TENM1: variants seen among roughly 807,000 people sequenced by gnomAD.
TENM1 encodes the protein teneurin transmembrane protein 1.
In TENM1, 35 loss-of-function variants were observed where a neutral mutation model predicts 174.8. The observed-to-expected ratio is 0.20, with a 90% CI of 0.15 to 0.27. TENM1 has a LOEUF of 0.27. Ranked by LOEUF, TENM1 falls within the 10% of genes least tolerant of loss-of-function variation. The pLI is 1.00. For missense variants in TENM1, 1,633 were observed against 2,130.1 expected, an observed-to-expected ratio of 0.77 and a Z score of 4.59; for synonymous variants, 781 against 798.7, an observed-to-expected ratio of 0.98 and a Z score of 0.37.
chrX:124,546,652 C>A (rs370859932), intron 15 of TENM1, among the ~76,000 whole-genome samples: 1 of 111,613 alleles, frequency 9.0e-6, no homozygotes, highest in Non-Finnish European at 1.9e-5. Flanking sequence ...TATATATATA[C>A]ATACACAAAC....
intron 4 of TENM1, among the ~76,000 whole-genome samples, chrX:124,723,982 T>G (rs28370454): frequency 0.031 from 3,505 of 112,053 alleles, 148 homozygotes; most frequent in African/African-American, 0.11. Context: ...TTAGTTTTAA[T>G]AACACTAAGT....
At chrX:124,775,666 C>T (rs2054766830) in intron 3 of TENM1, among the ~76,000 whole-genome samples, 1 of 111,908 alleles carries the variant, frequency 8.9e-6, no homozygotes, top group African/African-American at 3.3e-5. Context: ...TATTTAACAA[C>T]TATAAAAGAA....
intron 3 of TENM1, among the ~76,000 whole-genome samples, chrX:124,828,381 T>C (rs2056215376): frequency 8.9e-6 from 1 of 112,516 alleles, no homozygotes; most frequent in Admixed American, 9.4e-5. Context: ...GCTATACTCC[T>C]AGTATAGTTG....
At chrX:124,811,028 C>A (rs768628095) in intron 3 of TENM1, among the ~76,000 whole-genome samples, 1 of 111,003 alleles carries the variant, frequency 9.0e-6, no homozygotes, top group Non-Finnish European at 1.9e-5. Context: ...TACCTCATAC[C>A]ATATAGGGAA....
the TENM1 span, among the ~76,000 whole-genome samples, chrX:125,034,242 G>C: frequency 8.9e-6 from 1 of 111,859 alleles, no homozygotes; most frequent in Non-Finnish European, 1.9e-5. Context: ...CAAGATGCTA[G>C]ACTTGAGCAA....
At chrX:125,052,631 G>T in the TENM1 span, among the ~76,000 whole-genome samples, 1 of 111,383 alleles carries the variant, frequency 9.0e-6, no homozygotes, top group African/African-American at 3.3e-5. Context: ...TAAGAGTAAT[G>T]TGAAAAGGGT....
chrX:124,445,120 G>A (rs757274579), intron 23 of TENM1, among the ~76,000 whole-genome samples: 27 of 111,548 alleles, frequency 2.4e-4, no homozygotes, highest in Non-Finnish European at 4.3e-4. Context: ...ATATATAAAC[G>A]TACCCAGTAT....
At chrX:125,163,034 C>T in the TENM1 span, among the ~76,000 whole-genome samples, 2 of 111,481 alleles carry the variant, frequency 1.8e-5, no homozygotes, top group African/African-American at 3.3e-5. Flanking sequence ...ATGCTGCCCC[C>T]GCTGCCACCA....
At chrX:125,118,016 T>C in the TENM1 span, among the ~76,000 whole-genome samples, 5 of 111,578 alleles carry the variant, frequency 4.5e-5, no homozygotes, top group Non-Finnish European at 7.5e-5. Flanking sequence ...TATATATATA[T>C]ACACCATGGA....
At chrX:125,069,469 G>C in the TENM1 span, among the ~76,000 whole-genome samples, 1 of 111,689 alleles carries the variant, frequency 9.0e-6, no homozygotes, top group South Asian at 3.8e-4. Context: ...GATAAATACA[G>C]GTGTATTTTT....
intron 22 of TENM1, among the ~76,000 whole-genome samples, chrX:124,473,716 T>A (rs1229754994): frequency 1.8e-5 from 2 of 110,868 alleles, no homozygotes; most frequent in Admixed American, 1.9e-4. Flanking sequence ...CATCTTCTGC[T>A]CCATTCCCTC....
chrX:124,428,240 G>A (rs931463405), intron 23 of TENM1, among the ~76,000 whole-genome samples: 15 of 111,746 alleles, frequency 1.3e-4, no homozygotes, highest in African/African-American at 4.2e-4. Context: ...ACAGCATTAC[G>A]TCTTCCTCTG....
chrX:125,144,338 G>A, the TENM1 span, among the ~76,000 whole-genome samples: 6 of 111,643 alleles, frequency 5.4e-5, no homozygotes, highest in African/African-American at 1.6e-4. Flanking sequence ...GCCAATGCTG[G>A]GCTTCTAATT....
intron 18 of TENM1, among the ~76,000 whole-genome samples, chrX:124,509,751 A>C (rs1602566602): frequency 6.4e-5 from 5 of 78,014 alleles, no homozygotes; most frequent in African/African-American, 1.0e-4. Flanking sequence ...ACAGAGTTTC[A>C]CTCTTGTTGC....
chrX:124,747,249 C>T (rs766898427), intron 3 of TENM1, among the ~76,000 whole-genome samples: 45 of 108,714 alleles, frequency 4.1e-4, no homozygotes, highest in Non-Finnish European at 7.1e-4. Context: ...AATTGAACAA[C>T]AGTGAATGCA....
At chrX:125,008,568 A>G in the TENM1 span, among the ~76,000 whole-genome samples, 5 of 112,398 alleles carry the variant, frequency 4.4e-5, no homozygotes, top group Admixed American at 1.9e-4. Flanking sequence ...ACCCCAAATC[A>G]ACAAAATATA....
the TENM1 span, among the ~76,000 whole-genome samples, chrX:124,975,271 C>G: frequency 9.0e-6 from 1 of 110,828 alleles, no homozygotes; most frequent in Non-Finnish European, 1.9e-5. Context: ...GAAGGTAACT[C>G]GATGTATAAA....
intron 21 of TENM1, among the ~76,000 whole-genome samples, chrX:124,484,412 G>GTTA (rs2046910008): frequency 8.9e-6 from 1 of 111,846 alleles, no homozygotes; most frequent in Non-Finnish European, 1.9e-5. Context: ...GGAGTAGAGA[G>GTTA]TTATGCTCCA....
At chrX:124,703,546 C>T (rs1193102396) in intron 5 of TENM1, among the ~76,000 whole-genome samples, 1 of 111,910 alleles carries the variant, frequency 8.9e-6, no homozygotes, top group Non-Finnish European at 1.9e-5. Flanking sequence ...GTATCTAAAA[C>T]ATTATCTCTC....
Sources: allele counts gnomAD v4.1 joint callset (sites outside exome capture counted in the v4.1 genomes callset), GRCh38; gene constraint gnomAD v4.1.1; transcripts MANE v1.5; gene names NCBI Gene and HGNC (gene_info 2026-07-23, HGNC 2026-07-21).